The following FBXW7 variants were observed in gnomAD, a reference collection of about 807,000 sequenced individuals.
The protein encoded by FBXW7 is F-box and WD repeat domain containing 7.
In FBXW7, 11 loss-of-function variants were observed where a neutral mutation model predicts 86.3. The ratio of observed to expected loss-of-function variants is 0.13; its 90% CI spans 0.08 to 0.21. The LOEUF (loss-of-function observed/expected upper bound fraction) is 0.21. Among genes scored for constraint, FBXW7 ranks in the 10% least tolerant of loss-of-function variants. FBXW7 has a pLI of 1.00. For missense variants in FBXW7, 488 were observed against 847.4 expected (o/e 0.58, Z 5.27); for synonymous variants, 313 against 297.9 (o/e 1.05, Z -0.52).
chr4:152,535,572 T>C lies in FBXW7; in HGVS notation c.-658A>G, dbSNP rs1750465522. 2.5e-6 allele frequency: 1 copy of C among 395,686 alleles called. No homozygotes were observed. The allele number at this position is 395,686 out of a possible 1,614,324, so 24.5% of individuals were successfully genotyped here. A position where few individuals can be genotyped will look rare whatever the true frequency, so the allele number is the denominator to read the frequency against. The stretch of plus-strand genomic sequence containing the variant: ...GCAAGATGCTACGGCCCCGGGCGGG[T>C]GGCCGAGTCGGCGGCAAGGCGAGGG... On this transcript the variant is annotated 5_prime_UTR_variant, in exon 1 of 14. Transcript: ENST00000281708.
intron 4 of FBXW7, among the ~76,000 whole-genome samples, chr4:152,387,279 C>T (rs755522157): frequency 3.2e-4 from 48 of 152,116 alleles, no homozygotes; most frequent in Non-Finnish European, 5.6e-4. Flanking sequence ...AACAGAAAGT[C>T]CCACATGCTA....
intron 4 of FBXW7, among the ~76,000 whole-genome samples, chr4:152,407,550 T>C (rs1338296554): frequency 6.6e-6 from 1 of 152,210 alleles, no homozygotes; most frequent in Non-Finnish European, 1.5e-5. Context: ...AGCCACATTA[T>C]CCTACAAAGC....
intron 2 of FBXW7, among the ~76,000 whole-genome samples, chr4:152,420,134 T>C (rs1738813317): frequency 6.6e-6 from 1 of 152,208 alleles, no homozygotes; most frequent in African/African-American, 2.4e-5. Flanking sequence ...TAATTTTATG[T>C]AATATTCTAA....
At chr4:152,469,304 T>G (rs1050105118) in intron 2 of FBXW7, among the ~76,000 whole-genome samples, 3 of 152,112 alleles carry the variant, frequency 2.0e-5, no homozygotes, top group Admixed American at 2.0e-4. Flanking sequence ...ATAATCACCA[T>G]AGTACACAGG....
intron 2 of FBXW7, among the ~76,000 whole-genome samples, chr4:152,527,158 C>T (rs562371053): frequency 6.6e-6 from 1 of 152,304 alleles, no homozygotes; most frequent in African/African-American, 2.4e-5. Context: ...GTAAAGGACA[C>T]GTTTTCCTCC....
chr4:152,352,180 A>G (rs1731882862), intron 4 of FBXW7, among the ~76,000 whole-genome samples: 1 of 152,222 alleles, frequency 6.6e-6, no homozygotes, highest in Non-Finnish European at 1.5e-5. Flanking sequence ...AACTAAGGAT[A>G]GAGTATTTCC....
intron 2 of FBXW7, among the ~76,000 whole-genome samples, chr4:152,484,494 G>C (rs560899974): frequency 1.1e-4 from 16 of 152,134 alleles, no homozygotes; most frequent in African/African-American, 3.9e-4. Flanking sequence ...AGGGGAAAAA[G>C]GGACAAGTAA....
chr4:152,362,230 T>C (rs1733032257), intron 4 of FBXW7, among the ~76,000 whole-genome samples: 1 of 152,102 alleles, frequency 6.6e-6, no homozygotes, highest in Admixed American at 6.6e-5. Context: ...CATGGTAAAT[T>C]GAGACCACTT....
rs574617440 is a variant in FBXW7 at position 152,512,885 on chromosome 4, A to C, written c.-120+22056T>G. Among the ~76,000 whole-genome samples the C allele has an allele frequency of 1.3e-4, 20 of 152,282 alleles. 1 individual carries two copies. The East Asian group carries it at 1.7e-3, about 13-fold the overall frequency. ...TTATTTATTTATTTATTTGAGACGG[A>C]GTTTTGCTCCTGTTGCCCAGGCTGG... On this transcript the variant is annotated intron_variant, in intron 2 of 13. Transcript: ENST00000281708.
At chr4:152,418,382 G>A (rs577765891) in intron 2 of FBXW7, among the ~76,000 whole-genome samples, 3 of 152,128 alleles carry the variant, frequency 2.0e-5, no homozygotes, top group African/African-American at 7.2e-5. Context: ...AAAGGAAAAT[G>A]AGCTTTTGAA....
intron 4 of FBXW7, among the ~76,000 whole-genome samples, chr4:152,371,990 G>A (rs910064933): frequency 6.6e-6 from 1 of 151,844 alleles, no homozygotes; most frequent in African/African-American, 2.4e-5. Flanking sequence ...TATATCAGCA[G>A]ATTAAAATTA....
chr4:152,478,439 T>C (rs78646129), intron 2 of FBXW7, among the ~76,000 whole-genome samples: 2,083 of 152,244 alleles, frequency 0.014, 26 homozygotes, highest in Middle Eastern at 0.037. Flanking sequence ...CTACTATATG[T>C]ATAAACACAT....
chr4:152,335,453 G>C (rs1197873786), intron 7 of FBXW7, among the ~76,000 whole-genome samples: 1 of 152,196 alleles, frequency 6.6e-6, no homozygotes, highest in African/African-American at 2.4e-5. Flanking sequence ...GGGCAACAGA[G>C]TGAGACTCTT....
intron 4 of FBXW7, among the ~76,000 whole-genome samples, chr4:152,393,681 C>A (rs1355520094): frequency 6.6e-6 from 1 of 152,106 alleles, no homozygotes; most frequent in East Asian, 1.9e-4. Context: ...GCACTTACTC[C>A]TCAAATTCAC....
intron 5 of FBXW7, among the ~76,000 whole-genome samples, chr4:152,348,046 T>C (rs1223638753): frequency 6.6e-6 from 1 of 152,144 alleles, no homozygotes; most frequent in Non-Finnish European, 1.5e-5. Context: ...CATTGAGCTA[T>C]GTTGATTAAT....
At chr4:152,370,354 G>A (rs1733899363) in intron 4 of FBXW7, among the ~76,000 whole-genome samples, 1 of 151,830 alleles carries the variant, frequency 6.6e-6, no homozygotes, top group Non-Finnish European at 1.5e-5. Flanking sequence ...ATTATATGAG[G>A]ATACCACAAA....
intron 2 of FBXW7, among the ~76,000 whole-genome samples, chr4:152,525,092 A>C (rs1176910234): frequency 6.6e-6 from 1 of 152,210 alleles, no homozygotes; most frequent in Admixed American, 6.5e-5. Context: ...AAAACTATGA[A>C]ATGTAAAGAT....
chr4:152,464,400 A>T (rs1743225339), intron 2 of FBXW7, among the ~76,000 whole-genome samples: 4 of 152,226 alleles, frequency 2.6e-5, no homozygotes, highest in Non-Finnish European at 5.9e-5. Context: ...TTTATTCTTT[A>T]AGACAGACTG....
chr4:152,346,887 C>G (rs1731316255), intron 6 of FBXW7, 43 bp downstream of exon 6: 4 of 1,606,116 alleles, frequency 2.5e-6, no homozygotes, highest in South Asian at 2.2e-5. Flanking sequence ...TATTTTGCAG[C>G]AATTAAGTGA....
Sources: gnomAD v4.1 joint callset for allele counts (sites outside exome capture counted in the v4.1 genomes callset) on GRCh38, gnomAD v4.1.1 for gene constraint, MANE v1.5 for transcripts, NCBI Gene and HGNC (gene_info 2026-07-23, HGNC 2026-07-21) for gene names.